The following MSI2 variants were observed in gnomAD, a reference collection of about 807,000 sequenced individuals.
MSI2 encodes the protein musashi RNA binding protein 2, also known as RNA-binding protein Musashi homolog 2.
In MSI2, 17 loss-of-function variants were observed where a neutral mutation model predicts 45.6. That is an observed-to-expected ratio of 0.37 (90% CI 0.26 to 0.56). MSI2 has a LOEUF of 0.56. Among genes scored for constraint, MSI2 ranks in the 20% least tolerant of loss-of-function variants. The probability of loss-of-function intolerance (pLI) is 0.77; values close to 1 mark genes in which losing one functional copy is unlikely to be tolerated. For missense variants in MSI2, 293 were observed against 444.2 expected (o/e 0.66, Z 3.06); for synonymous variants, 156 against 158.2 (o/e 0.99, Z 0.11).
chr17:57,403,663 G>A (rs1421405899), intron 6 of MSI2, among the ~76,000 whole-genome samples: 2 of 152,050 alleles, frequency 1.3e-5, no homozygotes, highest in East Asian at 3.8e-4. Flanking sequence ...TGCATTATTT[G>A]TGTCTGTCTG....
In MSI2 at chr17:57,596,830, G is replaced by T. The variant is rs201344854; in HGVS notation, c.455-38G>T. 7.4e-6 allele frequency: 11 copies of T among 1,488,030 alleles called. No individual in the cohort carries two copies. Among genetic ancestry groups the T allele is most frequent in the Admixed American group, 5.0e-5 (3 of 59,846 alleles). 92.2% of individuals were successfully genotyped at this position (1,488,030 alleles called of 1,614,324 possible). ...GGCCTGCCAGAACTGAACTCACCCC[G>T]CCTCTCTTTGTTTTTTCTTCTCTCT... On this transcript the variant is annotated intron_variant, in intron 7 of 13. Transcript: ENST00000284073. The surrounding 1 kb of genome is among the most constrained non-coding windows in gnomAD (Gnocchi z 4.6).
At chr17:57,281,592 C>G (rs1440339406) in intron 5 of MSI2, among the ~76,000 whole-genome samples, 1 of 152,192 alleles carries the variant, frequency 6.6e-6, no homozygotes, top group Non-Finnish European at 1.5e-5. Flanking sequence ...AGAACCCAAG[C>G]TAGGATCTTG....
chr17:57,383,507 A>G (rs918968608), intron 5 of MSI2, among the ~76,000 whole-genome samples: 9 of 152,220 alleles, frequency 5.9e-5, no homozygotes, highest in African/African-American at 2.2e-4. Context: ...AAATACAAAA[A>G]AGAATTAGTG....
chr17:57,436,245 G>T (rs2084688542), intron 6 of MSI2, among the ~76,000 whole-genome samples: 1 of 152,174 alleles, frequency 6.6e-6, no homozygotes, highest in South Asian at 2.1e-4. Context: ...TCTGTAAGAT[G>T]GGAAGAATAA....
rs78085951 is a variant in MSI2 at position 57,432,189 on chromosome 17, G to A, written c.405+30718G>A. ...TGTGGCTCTGGTGGATGAGAATCAC[G>A]GAATTTCGGCTTTGGAAGGGATTTT... On this transcript the variant is annotated intron_variant, in intron 6 of 13. Transcript: ENST00000284073. Among the ~76,000 whole-genome samples, 665 of 152,236 alleles carry A rather than the reference G, an allele frequency of 4.4e-3. 5 individuals are homozygous for A. The highest frequency in any genetic ancestry group is 0.015 in the African/African-American group (627 of 41,538).
chr17:57,578,477 TG>T lies in MSI2; in HGVS notation c.455-18384del, dbSNP rs562628335. On this transcript the variant is annotated intron_variant, in intron 7 of 13. Coordinates refer to ENST00000284073, the MANE Select transcript of MSI2 (RefSeq NM_138962.4). ...CTTTCTGCTTGAGAGGTGCCAGGAC[TG>T]GGGGGGTAGGATGCATCCCCAGCTG... Among the ~76,000 whole-genome samples, 49 of 151,666 alleles carry T rather than the reference TG, an allele frequency of 3.2e-4. 2 individuals carry two copies. In the South Asian group the frequency reaches 9.6e-3, roughly 30 times the overall value.
At chr17:57,562,180 AT>A (rs569278674) in intron 7 of MSI2, among the ~76,000 whole-genome samples, 73 of 152,312 alleles carry the variant, frequency 4.8e-4, no homozygotes, top group African/African-American at 1.8e-3. Flanking sequence ...CCATCTGCCC[AT>A]CCATCCATCC....
At chr17:57,605,528 C>T (rs1286834715) in intron 8 of MSI2, among the ~76,000 whole-genome samples, 3 of 152,164 alleles carry the variant, frequency 2.0e-5, no homozygotes, top group East Asian at 1.9e-4. Flanking sequence ...ACCCCCAGGG[C>T]GCAGGGTCAT....
intron 5 of MSI2, among the ~76,000 whole-genome samples, chr17:57,326,318 G>A (rs949340488): frequency 3.3e-5 from 5 of 152,164 alleles, no homozygotes; most frequent in South Asian, 2.1e-4. Context: ...TACTCCCAGC[G>A]GGTTTGATCA....
At chr17:57,614,508 A>G (rs1038162142) in intron 8 of MSI2, among the ~76,000 whole-genome samples, 1 of 152,236 alleles carries the variant, frequency 6.6e-6, no homozygotes, top group African/African-American at 2.4e-5. Flanking sequence ...CATATGGCCC[A>G]GACTGCTCTT....
At chr17:57,287,373 T>C (rs1236487508) in intron 5 of MSI2, among the ~76,000 whole-genome samples, 1 of 152,040 alleles carries the variant, frequency 6.6e-6, no homozygotes, top group Non-Finnish European at 1.5e-5. Context: ...ACCCCTTCCA[T>C]GGGTCCCTCT....
chr17:57,257,006 C>T (rs980210097), intron 1 of MSI2, 92 bp from the exon 2 acceptor site: 2 of 1,571,020 alleles, frequency 1.3e-6, no homozygotes, highest in Middle Eastern at 1.8e-4. Context: ...CTCGCTCGCT[C>T]CCCCCCGCTT....
At chr17:57,362,618 TG>T (rs1247225392) in intron 5 of MSI2, among the ~76,000 whole-genome samples, 1 of 152,234 alleles carries the variant, frequency 6.6e-6, no homozygotes, top group African/African-American at 2.4e-5. Flanking sequence ...CTTAAGGCTT[TG>T]AGTTGGAGGA....
intron 6 of MSI2, among the ~76,000 whole-genome samples, chr17:57,459,545 A>C (rs2143608506): frequency 6.6e-6 from 1 of 152,256 alleles, no homozygotes; most frequent in Admixed American, 6.5e-5. Flanking sequence ...GGGAACCCTG[A>C]TGTTTGATTA....
rs903219872 is a variant in MSI2 at position 57,632,505 on chromosome 17, G to A, written c.727+5202G>A. 5 of 1,066,556 alleles carry A rather than the reference G, an allele frequency of 4.7e-6. No individual in the cohort carries two copies. The African/African-American group carries it at 8.2e-5, about 17-fold the overall frequency. 66.1% of individuals were successfully genotyped at this position (1,066,556 alleles called of 1,614,324 possible). The stretch of plus-strand genomic sequence containing the variant: ...CACGGTGGGCACCGATCCACAGTGG[G>A]CCCCGCCTTCCCCAGCTCGCCTCCC... On this transcript the variant is annotated intron_variant, in intron 10 of 13. Coordinates refer to ENST00000284073, the MANE Select transcript of MSI2 (RefSeq NM_138962.4).
In MSI2 at chr17:57,280,570, A is replaced by G. The variant is rs1271919681; in HGVS notation, c.312+18378A>G. On this transcript the variant is annotated intron_variant, in intron 5 of 13. Transcript: ENST00000284073. The surrounding 1 kb of genome is among the most constrained non-coding windows in gnomAD (Gnocchi z 4.2). Reference sequence around the variant, plus strand: ...GATGTGAGCAGAGCCCCCAACCCCCACCTCCGTGAGATTGAGAGTGTTGGC... The same window carrying G: ...GATGTGAGCAGAGCCCCCAACCCCCGCCTCCGTGAGATTGAGAGTGTTGGC... Among the ~76,000 whole-genome samples, 1 of 151,910 alleles carries G rather than the reference A, an allele frequency of 6.6e-6. No homozygotes were observed. The highest frequency in any genetic ancestry group is 2.4e-5 in the African/African-American group (1 of 41,334).
At chr17:57,411,734 C>T (rs564664383) in intron 6 of MSI2, among the ~76,000 whole-genome samples, 3 of 151,996 alleles carry the variant, frequency 2.0e-5, no homozygotes, top group Non-Finnish European at 2.9e-5. Context: ...TATGGCCAGG[C>T]GCAGTGGTTC....
chr17:57,607,336 C>G (rs190883369), intron 8 of MSI2, among the ~76,000 whole-genome samples: 1 of 152,340 alleles, frequency 6.6e-6, no homozygotes, highest in Admixed American at 6.5e-5. Flanking sequence ...TTATAACATG[C>G]ATGTGTCCTG....
chr17:57,363,927 C>T (rs1486968688), intron 5 of MSI2, among the ~76,000 whole-genome samples: 1 of 152,170 alleles, frequency 6.6e-6, no homozygotes, highest in African/African-American at 2.4e-5. Flanking sequence ...ACTGCCCAGG[C>T]TGGTCTGTCA....
Sources: allele counts gnomAD v4.1 joint callset (sites outside exome capture counted in the v4.1 genomes callset), GRCh38; gene constraint gnomAD v4.1.1; non-coding constraint Gnocchi (gnomAD v3.1); transcripts MANE v1.5; gene names NCBI Gene and HGNC (gene_info 2026-07-23, HGNC 2026-07-21).